Variants in CTIF observed in about 807,000 individuals in gnomAD.
The protein encoded by CTIF is CBP80/20-dependent translation initiation factor.
CTIF carries 21 observed loss-of-function variants against 66.0 expected under a neutral mutation model. That is an observed-to-expected ratio of 0.32 (90% CI 0.23 to 0.46). CTIF has a LOEUF of 0.46. Ranked by LOEUF, CTIF falls within the 20% of genes least tolerant of loss-of-function variation. The pLI, the probability that CTIF is intolerant of heterozygous loss-of-function variation, is 1.00. For missense variants in CTIF, 739 were observed against 812.7 expected (o/e 0.91, Z 1.10); for synonymous variants, 345 against 326.4 (o/e 1.06, Z -0.62).
intron 6 of CTIF, among the ~76,000 whole-genome samples, chr18:48,696,923 C>T (rs1400240680): frequency 2.0e-5 from 3 of 152,240 alleles, no homozygotes; most frequent in Admixed American, 2.0e-4. Flanking sequence ...CCTCGGAGAG[C>T]TTACAGTTTC....
chr18:48,722,024 G>A (rs1276351836), intron 7 of CTIF, among the ~76,000 whole-genome samples: 3 of 152,110 alleles, frequency 2.0e-5, no homozygotes, highest in African/African-American at 7.2e-5. Flanking sequence ...AAGACATGTT[G>A]GAGGCTGGCC....
intron 1 of CTIF, among the ~76,000 whole-genome samples, chr18:48,575,902 A>C (rs1280222712): frequency 6.8e-6 from 1 of 147,088 alleles, no homozygotes; most frequent in Non-Finnish European, 1.5e-5. Context: ...CTAGTCAATG[A>C]GAGTGCTTTG....
chr18:48,855,491 G>A (rs2069307386), intron 10 of CTIF, among the ~76,000 whole-genome samples: 2 of 152,240 alleles, frequency 1.3e-5, no homozygotes, highest in South Asian at 4.1e-4. Flanking sequence ...TTGTGGGTTA[G>A]GAGTTAACTG....
At chr18:48,703,984 G>A (rs1450270317) in intron 6 of CTIF, among the ~76,000 whole-genome samples, 11 of 152,248 alleles carry the variant, frequency 7.2e-5, no homozygotes, top group Non-Finnish European at 5.9e-5. Flanking sequence ...CCACTTCTGG[G>A]CCTGGGGGGA....
intron 6 of CTIF, among the ~76,000 whole-genome samples, chr18:48,671,050 C>CCAAG (rs1283039447): frequency 1.3e-5 from 2 of 152,174 alleles, no homozygotes; most frequent in Non-Finnish European, 2.9e-5. Flanking sequence ...GTCCCTTGGC[C>CCAAG]TGAAACCTCT....
chr18:48,670,204 T>A (rs1456066254), intron 5 of CTIF, among the ~76,000 whole-genome samples: 1 of 152,096 alleles, frequency 6.6e-6, no homozygotes, highest in Non-Finnish European at 1.5e-5. Context: ...AGACAAAGCA[T>A]AGACTATCTG....
At chr18:48,734,228 C>T (rs949744042) in intron 7 of CTIF, among the ~76,000 whole-genome samples, 1 of 152,212 alleles carries the variant, frequency 6.6e-6, no homozygotes, top group Admixed American at 6.5e-5. Context: ...TGTCCCCCAC[C>T]CCCAGCATTG....
At chr18:48,616,811 T>C (rs2090408808) in intron 1 of CTIF, among the ~76,000 whole-genome samples, 1 of 152,204 alleles carries the variant, frequency 6.6e-6, no homozygotes, top group African/African-American at 2.4e-5. Context: ...TGCTCTGGCC[T>C]TCTGTGCATA....
chr18:48,691,419 G>A (rs1048360750), intron 6 of CTIF, among the ~76,000 whole-genome samples: 1 of 151,598 alleles, frequency 6.6e-6, no homozygotes, highest in Non-Finnish European at 1.5e-5. Context: ...AACTTTGTAG[G>A]GGTCGTTACC....
chr18:48,640,337 C>T lies in CTIF; in HGVS notation c.252+3652C>T, dbSNP rs960754852. Among the ~76,000 whole-genome samples, 4 of 152,244 alleles carry T rather than the reference C, an allele frequency of 2.6e-5. No homozygotes were observed. The East Asian group carries it at 5.8e-4, about 22-fold the overall frequency. On this transcript the variant is annotated intron_variant, in intron 3 of 11. Transcript: ENST00000256413. Reference sequence around the variant, plus strand: ...GTCAACCCTAAGACGGGAGTCAGGGCGGGCTCTACTTCCTCAACCACTTCT... The same window carrying T: ...GTCAACCCTAAGACGGGAGTCAGGGTGGGCTCTACTTCCTCAACCACTTCT...
chr18:48,805,387 A>G (rs2068123724), intron 9 of CTIF, among the ~76,000 whole-genome samples: 1 of 118,432 alleles, frequency 8.4e-6, no homozygotes, highest in African/African-American at 3.1e-5. Flanking sequence ...CGGAGGAGTG[A>G]GGGGGCTTCA....
chr18:48,715,252 A>G (rs1384802307), intron 7 of CTIF, among the ~76,000 whole-genome samples: 1 of 142,594 alleles, frequency 7.0e-6, no homozygotes, highest in Non-Finnish European at 1.5e-5. Context: ...TTCCATTTTG[A>G]AAAAAAAAAA....
At chr18:48,714,968 AG>A (rs533490223) in intron 7 of CTIF, among the ~76,000 whole-genome samples, 1 of 152,190 alleles carries the variant, frequency 6.6e-6, no homozygotes, top group Non-Finnish European at 1.5e-5. Flanking sequence ...AAGGCTTTCA[AG>A]GTAAGTGTGG....
chr18:48,842,554 AC>A (rs55805533), intron 10 of CTIF, among the ~76,000 whole-genome samples: 79,582 of 151,958 alleles, frequency 0.52, 23,433 homozygotes, highest in African/African-American at 0.81. Flanking sequence ...AGAGCAGCCT[AC>A]CCCCAAGACT....
chr18:48,686,685 G>A (rs112927663), intron 6 of CTIF, among the ~76,000 whole-genome samples: 114 of 152,256 alleles, frequency 7.5e-4, no homozygotes, highest in African/African-American at 2.7e-3. Context: ...GAAAGGGAAG[G>A]GGACTTGGGG....
At chr18:48,800,902 G>A (rs2146219496) in intron 9 of CTIF, among the ~76,000 whole-genome samples, 1 of 152,300 alleles carries the variant, frequency 6.6e-6, no homozygotes, top group African/African-American at 2.4e-5. Flanking sequence ...TCAATCTCAG[G>A]CGTGTCCTCA....
chr18:48,780,438 C>T (rs926546518), intron 9 of CTIF, among the ~76,000 whole-genome samples: 14 of 152,164 alleles, frequency 9.2e-5, no homozygotes, highest in Non-Finnish European at 1.6e-4. Context: ...ATCATGACCC[C>T]GTCATCTCGG....
chr18:48,728,893 G>T (rs1246820790), intron 7 of CTIF, among the ~76,000 whole-genome samples: 2 of 152,214 alleles, frequency 1.3e-5, no homozygotes, highest in Non-Finnish European at 2.9e-5. Flanking sequence ...GAGTTTGAGT[G>T]TCAGGAGGTG....
intron 10 of CTIF, among the ~76,000 whole-genome samples, chr18:48,850,785 C>T (rs1304874402): frequency 1.3e-5 from 2 of 152,162 alleles, no homozygotes; most frequent in Non-Finnish European, 2.9e-5. Flanking sequence ...GTGCCCCATC[C>T]AAGGGAGGCT....
Sources: allele counts gnomAD v4.1 joint callset (sites outside exome capture counted in the v4.1 genomes callset), GRCh38; gene constraint gnomAD v4.1.1; transcripts MANE v1.5; gene names NCBI Gene and HGNC (gene_info 2026-07-23, HGNC 2026-07-21).